CACNA2D4: variants seen among roughly 807,000 people sequenced by gnomAD.
The protein encoded by CACNA2D4 is voltage-dependent calcium channel subunit alpha-2/delta-4.
In CACNA2D4, 157 loss-of-function variants were observed where a neutral mutation model predicts 163.8. That is an observed-to-expected ratio of 0.96 (90% confidence interval 0.84 to 1.09). The LOEUF (loss-of-function observed/expected upper bound fraction) is 1.09. CACNA2D4 is among the 50% of genes least tolerant of loss of function. CACNA2D4 has a pLI of 0.00. For synonymous variants in CACNA2D4, 598 were observed against 586.9 expected, an observed-to-expected ratio of 1.02 and a Z score of -0.27; for missense variants, 1,410 against 1,479.9, an observed-to-expected ratio of 0.95 and a Z score of 0.78.
Position 1,858,591 on chromosome 12 carries a change from G to T in CACNA2D4, c.1994C>A (p.Thr665Lys), listed in dbSNP as rs770622451. The change falls in exon 20 of 38, where the codon ACG becomes AAG. Residue 665 changes from threonine (T) to lysine (K), a missense_variant. Physicochemically the swap from Thr to Lys is moderately conservative, Grantham distance 78. Transcript: ENST00000382722. ...TACCGACCCACCTTCTTCCACAGAC[G>T]TGTTCCCCAGAAGGATGTATTCTCC... ...GHGEYILLGNTSVEEGLHDLL... is the reference protein window; with the variant it reads ...GHGEYILLGNKSVEEGLHDLL... The T allele has an allele frequency of 2.4e-5, 38 of 1,613,282 alleles. No individual in the cohort carries two copies. Among genetic ancestry groups the T allele is most frequent in the Non-Finnish European group, 2.7e-5 (32 of 1,179,616 alleles).
intron 29 of CACNA2D4, among the ~76,000 whole-genome samples, chr12:1,808,404 T>G (rs1863608980): frequency 6.6e-6 from 1 of 152,220 alleles, no homozygotes; most frequent in Non-Finnish European, 1.5e-5. Context: ...ACACGTGAAA[T>G]TTATATGAAA....
intron 13 of CACNA2D4, 103 bp downstream of exon 13, chr12:1,882,764 T>G (rs1592731764): frequency 1.6e-6 from 2 of 1,223,602 alleles, no homozygotes; most frequent in Non-Finnish European, 2.3e-6. Flanking sequence ...CCTAAGGAGG[T>G]GCTAGGCCCA....
intron 18 of CACNA2D4, among the ~76,000 whole-genome samples, chr12:1,872,072 T>G (rs2154449145): frequency 6.6e-6 from 1 of 152,306 alleles, no homozygotes; most frequent in Non-Finnish European, 1.5e-5. Context: ...GCCATCAAAG[T>G]GGCAAATGGG....
At chr12:1,847,009 G>A (rs1410713290) in intron 23 of CACNA2D4, among the ~76,000 whole-genome samples, 13 of 152,194 alleles carry the variant, frequency 8.5e-5, no homozygotes, top group Admixed American at 8.5e-4. Flanking sequence ...ATGGAACTTG[G>A]AAGGGAGATT....
chr12:1,805,967 C>T (rs868534677), intron 29 of CACNA2D4, among the ~76,000 whole-genome samples: 1 of 152,204 alleles, frequency 6.6e-6, no homozygotes, highest in Non-Finnish European at 1.5e-5. Flanking sequence ...GCCTGATGCC[C>T]CCTGACGACA....
rs1002991574 is a variant in CACNA2D4 at position 1,831,596 on chromosome 12, G to C, written c.2551+9143C>G. The C allele has an allele frequency of 2.3e-6, 3 of 1,305,374 alleles. No homozygotes were observed. The African/African-American group carries it at 4.4e-5, about 19-fold the overall frequency. 80.9% of individuals were successfully genotyped at this position (1,305,374 alleles called of 1,614,324 possible). ...ACCTCTGGCCCCACACTTTCCTCCTGGTGGCTGGGTGCTGACTCAGAGAGC... is the reference window on the plus strand; with the variant it reads ...ACCTCTGGCCCCACACTTTCCTCCTCGTGGCTGGGTGCTGACTCAGAGAGC... On this transcript the variant is annotated intron_variant, in intron 26 of 37. Transcript: ENST00000382722.
intron 19 of CACNA2D4, 59 bp from the exon 20 acceptor site, chr12:1,858,703 G>T (rs533030409): frequency 1.4e-6 from 2 of 1,422,888 alleles, no homozygotes; most frequent in African/African-American, 1.4e-5. Context: ...CCTGTCTCCC[G>T]GGCCTCGTCC....
At chr12:1,895,451 A>T (rs11513702) in intron 6 of CACNA2D4, among the ~76,000 whole-genome samples, 22,928 of 152,074 alleles carry the variant, frequency 0.15, 1,987 homozygotes, top group African/African-American at 0.24. Context: ...ATAAACAAAA[A>T]CAAAAAACAA....
intron 6 of CACNA2D4, among the ~76,000 whole-genome samples, chr12:1,892,103 A>AGTC (rs563133385): frequency 4.1e-5 from 2 of 48,390 alleles, no homozygotes; most frequent in Non-Finnish European, 8.6e-5. Context: ...ATTCAAAAAT[A>AGTC]CATTGTAGTC....
chr12:1,821,877 G>A (rs542143363), intron 26 of CACNA2D4, among the ~76,000 whole-genome samples: 92 of 152,172 alleles, frequency 6.0e-4, no homozygotes, highest in African/African-American at 2.1e-3. Context: ...GTTGGCACCC[G>A]GCTGTCAGGG....
rs1418421421 is a variant in CACNA2D4, at chr12:1,833,483, G to A, written c.2551+7256C>T. The stretch of plus-strand genomic sequence containing the variant: ...TCCACCATCATCATGAAGACATCCT[G>A]GCGAGCCCGTGCGCCCAGGTACCCA... On this transcript the variant is annotated intron_variant, in intron 26 of 37. Transcript: ENST00000382722. The surrounding 1 kb of genome is among the most constrained non-coding windows in gnomAD (Gnocchi z 4.2). Among the ~76,000 whole-genome samples, 1 of 152,096 alleles carries A rather than the reference G, an allele frequency of 6.6e-6. No individual in the cohort carries two copies. Among genetic ancestry groups the A allele is most frequent in the Non-Finnish European group, 1.5e-5 (1 of 68,012 alleles).
In CACNA2D4 at chr12:1,878,278, C is replaced by G. The variant is rs774405268; in HGVS notation, c.1719+37G>C. 6.4e-7 allele frequency: 1 copy of G among 1,552,352 alleles called. No individual in the cohort carries two copies. Among genetic ancestry groups the G allele is most frequent in the Non-Finnish European group, 8.7e-7 (1 of 1,149,220 alleles). On this transcript the variant is annotated intron_variant, in intron 16 of 37. Coordinates refer to ENST00000382722, the MANE Select transcript of CACNA2D4 (RefSeq NM_172364.5). This position sits in a 1 kb window ranked among gnomAD's most constrained non-coding sequence, Gnocchi z 4.6. ...TTGTGAATTACCCCCAAATCCCATA[C>G]AGTAAGGATCCCAAGGCAAAGAAGA...
intron 25 of CACNA2D4, 126 bp from the exon 26 acceptor site, chr12:1,840,945 C>T (rs557143147): frequency 2.2e-5 from 18 of 810,674 alleles, no homozygotes; most frequent in Admixed American, 1.9e-4. Context: ...AGAATTGAGG[C>T]GAGGGTGGGG....
chr12:1,837,597 G>C (rs1292346862), intron 26 of CACNA2D4, among the ~76,000 whole-genome samples: 2 of 152,092 alleles, frequency 1.3e-5, no homozygotes, highest in African/African-American at 4.8e-5. Flanking sequence ...TCCTTCCTAG[G>C]ATCTTCCTTT....
In CACNA2D4 at chr12:1,806,301, G is replaced by A. The variant is rs752329377; in HGVS notation, c.2721+3977C>T. On this transcript the variant is annotated intron_variant, in intron 29 of 37. Transcript: ENST00000382722. The surrounding 1 kb of genome is among the most constrained non-coding windows in gnomAD (Gnocchi z 4.1). ...TGCTTCTCTTTCTAGGCCCCACATC[G>A]AGGGTTGCAATCTTGTCATCCATAA... 3.9e-5 allele frequency among the ~76,000 whole-genome samples: 6 copies of A among 152,100 alleles called. No individual in the cohort carries two copies. The highest frequency in any genetic ancestry group is 7.3e-5 in the Non-Finnish European group (5 of 68,028).
At chr12:1,871,312 G>A (rs1040629833) in intron 18 of CACNA2D4, among the ~76,000 whole-genome samples, 4 of 150,850 alleles carry the variant, frequency 2.7e-5, no homozygotes, top group East Asian at 4.0e-4. Flanking sequence ...GTGTGTATAC[G>A]TGTGTGCTGC....
In CACNA2D4 at chr12:1,844,338, C is replaced by T; in HGVS notation, c.2470+64G>A. On this transcript the variant is annotated intron_variant, in intron 25 of 37. Coordinates refer to ENST00000382722, the MANE Select transcript of CACNA2D4 (RefSeq NM_172364.5). This position sits in a 1 kb window ranked among gnomAD's most constrained non-coding sequence, Gnocchi z 4.2. ...TTCCCATTTCCCACTAAGAGCACAG[C>T]AGGAGGAGAGATGAGACTGGCCTGA... is the stretch of plus-strand genomic sequence containing the variant. The T allele has an allele frequency of 1.9e-6, 3 of 1,578,226 alleles. No homozygotes were observed. The highest frequency in any genetic ancestry group is 2.6e-6 in the Non-Finnish European group (3 of 1,155,894).
rs1863252892 is a variant in CACNA2D4 at position 1,799,915 on chromosome 12, C to A, written c.2974+85G>T. ...TCAGGGTCACCTATCCCCACTGTCA[C>A]CCACCCCACAGGGAATGGTCTCACG... On this transcript the variant is annotated intron_variant, in intron 33 of 37. Transcript: ENST00000382722. The surrounding 1 kb of genome is among the most constrained non-coding windows in gnomAD (Gnocchi z 4.7). The A allele has an allele frequency of 1.4e-6, 2 of 1,448,206 alleles. No individual in the cohort carries two copies. The highest frequency in any genetic ancestry group is 1.4e-5 in the African/African-American group (1 of 71,180). The allele number at this position is 1,448,206 out of a possible 1,614,324, so 89.7% of individuals were successfully genotyped here. A position where few individuals can be genotyped will look rare whatever the true frequency, so the allele number is the denominator to read the frequency against.
chr12:1,800,706 C>G (rs1863287355), intron 31 of CACNA2D4: 1 of 594,544 alleles, frequency 1.7e-6, no homozygotes, highest in African/African-American at 1.9e-5. Context: ...ACGAGTCAAG[C>G]CCTCATCCTG....
Sources: gnomAD v4.1 joint callset for allele counts (sites outside exome capture counted in the v4.1 genomes callset) on GRCh38, gnomAD v4.1.1 for gene constraint, Gnocchi (gnomAD v3.1) non-coding constraint, MANE v1.5 for transcripts, NCBI Gene and HGNC (gene_info 2026-07-23, HGNC 2026-07-21) for gene names.